DYNC2H1: variants seen among roughly 807,000 people sequenced by gnomAD.
DYNC2H1 encodes cytoplasmic dynein 2 heavy chain 1.
Under a neutral mutation model 570.0 loss-of-function variants are expected in DYNC2H1, and 410 were observed. That is an observed-to-expected ratio of 0.72 (90% confidence interval 0.66 to 0.78). The LOEUF is 0.78. Among genes scored for constraint, DYNC2H1 ranks in the 30% least tolerant of loss-of-function variants. DYNC2H1 has a pLI of 0.00. For missense variants in DYNC2H1, 4,865 were observed against 5,046.4 expected (o/e 0.96, Z 1.09); for synonymous variants, 1,688 against 1,677.6 (o/e 1.01, Z -0.15).
chr11:103,278,508 G>C (rs1010787167), intron 70 of DYNC2H1, among the ~76,000 whole-genome samples: 3 of 152,160 alleles, frequency 2.0e-5, no homozygotes, highest in African/African-American at 7.2e-5. Context: ...CACCTGGCTA[G>C]TAAAATAGGA....
At position 103,362,320 on chromosome 11, in the gene DYNC2H1, C is replaced by CTTTTTTTCTT. The variant is rs1940685055; in HGVS notation, c.12156+3968_12156+3969insCTTTTTTTTT. ...GCTTCTTAAATATATTAATTTTTTT[C>CTTTTTTTCTT]TTTTTTTTTTTTCTTTTTTTTTTTT... On this transcript the variant is annotated intron_variant, in intron 83 of 88. Coordinates refer to ENST00000375735, the MANE Select transcript of DYNC2H1 (RefSeq NM_001377.3). 2.8e-5 allele frequency among the ~76,000 whole-genome samples: 2 copies of CTTTTTTTCTT among 71,620 alleles called. 1 individual carries two copies. The highest frequency in any genetic ancestry group is 8.3e-5 in the African/African-American group (2 of 24,070). 47.0% of individuals were successfully genotyped at this position (71,620 alleles called of 152,430 possible). A position where few individuals can be genotyped will look rare whatever the true frequency, so the allele number is the denominator to read the frequency against.
chr11:103,267,465 A>G (rs977593502), intron 70 of DYNC2H1, among the ~76,000 whole-genome samples: 5 of 151,730 alleles, frequency 3.3e-5, no homozygotes, highest in African/African-American at 1.2e-4. Flanking sequence ...CTTGTGTAAA[A>G]TGGGAAATTA....
At chr11:103,212,735 C>T (rs566257094) in intron 54 of DYNC2H1, among the ~76,000 whole-genome samples, 4 of 152,164 alleles carry the variant, frequency 2.6e-5, no homozygotes, top group African/African-American at 9.6e-5. Context: ...TAGGCTCCAT[C>T]TTAATTGACA....
intron 82 of DYNC2H1, among the ~76,000 whole-genome samples, chr11:103,346,913 G>A (rs1939772179): frequency 6.6e-6 from 1 of 152,182 alleles, no homozygotes; most frequent in South Asian, 2.1e-4. Context: ...TTAGATGGAA[G>A]GTTGATGGGG....
At chr11:103,297,345 G>A (rs780197032) in intron 75 of DYNC2H1, among the ~76,000 whole-genome samples, 6 of 152,104 alleles carry the variant, frequency 3.9e-5, no homozygotes, top group Non-Finnish European at 8.8e-5. Context: ...GTACAGTCAT[G>A]TGTTGTTAAA....
intron 70 of DYNC2H1, among the ~76,000 whole-genome samples, chr11:103,274,923 C>T (rs982042772): frequency 2.0e-5 from 3 of 151,718 alleles, no homozygotes; most frequent in South Asian, 2.1e-4. Context: ...GGCGAAACCC[C>T]GTCTCTACTA....
chr11:103,276,370 G>A (rs1017946902), intron 70 of DYNC2H1, among the ~76,000 whole-genome samples: 41 of 151,706 alleles, frequency 2.7e-4, no homozygotes, highest in Admixed American at 2.5e-3. Flanking sequence ...CCAACCTGTA[G>A]GTTTATAATT....
Position 103,158,704 on chromosome 11 carries a change from C to A in DYNC2H1, c.4155C>A (p.Asp1385Glu). 1 of 1,526,042 alleles carries A rather than the reference C, an allele frequency of 6.6e-7. No homozygotes were observed. The highest frequency in any genetic ancestry group is 8.9e-7 in the Non-Finnish European group (1 of 1,129,396). 94.5% of individuals were successfully genotyped at this position (1,526,042 alleles called of 1,614,324 possible). A position where few individuals can be genotyped will look rare whatever the true frequency, so the allele number is the denominator to read the frequency against. The stretch of plus-strand genomic sequence containing the variant: ...CAATAATGACTGATATCAAGAAAGA[C>A]AATAGAGTCACAACATTAACTACTC... ...FRSIMTDIKKDNRVTTLTTHA... is the reference protein window; with the variant it reads ...FRSIMTDIKKENRVTTLTTHA... The change falls in exon 27 of 89, where the codon GAC (aspartate) becomes GAA (glutamate). Residue 1385 changes from aspartate (D) to glutamate (E), a missense_variant. Coordinates refer to ENST00000375735, the MANE Select transcript of DYNC2H1 (RefSeq NM_001377.3).
intron 54 of DYNC2H1, 107 bp downstream of exon 54, chr11:103,212,050 T>C: frequency 8.1e-7 from 1 of 1,230,210 alleles, no homozygotes; most frequent in Non-Finnish European, 1.0e-6. Context: ...TTAATAAATG[T>C]ACTGTATTAA....
Position 103,115,159 on chromosome 11 carries a change from C to T in DYNC2H1, c.503-18C>T, listed in dbSNP as rs199660214. The T allele has an allele frequency of 3.2e-6, 5 of 1,565,332 alleles. No individual in the cohort carries two copies. Among genetic ancestry groups the T allele is most frequent in the South Asian group, 2.4e-5 (2 of 84,260 alleles). ...TCTGATATTCTATGCCATTTTTTTC[C>T]CCTCTTGACTTTTATAGGTATCCTT... On this transcript the variant is annotated intron_variant, in intron 3 of 88. Coordinates refer to ENST00000375735, the MANE Select transcript of DYNC2H1 (RefSeq NM_001377.3).
intron 59 of DYNC2H1, among the ~76,000 whole-genome samples, chr11:103,230,170 C>A (rs1303983256): frequency 1.3e-5 from 2 of 152,280 alleles, no homozygotes; most frequent in South Asian, 2.1e-4. Context: ...TCTAATGCTA[C>A]TTTGATTCCC....
chr11:103,173,327 A>G (rs373527971), intron 35 of DYNC2H1, 22 bp downstream of exon 35: 1 of 1,440,884 alleles, frequency 6.9e-7, no homozygotes, highest in South Asian at 1.5e-5. Flanking sequence ...TGTTCTAAAT[A>G]TTTTTATATT....
In DYNC2H1 at chr11:103,116,558, AT is replaced by A; in HGVS notation, c.622-5del. The A allele has an allele frequency of 6.4e-6, 10 of 1,566,222 alleles. No homozygotes were observed. The highest frequency in any genetic ancestry group is 4.9e-5 in the South Asian group (4 of 81,276). On this transcript the variant is annotated splice_polypyrimidine_tract_variant and intron_variant, in intron 4 of 88. Transcript: ENST00000375735. The stretch of plus-strand genomic sequence containing the variant: ...TATAATTATGTTTAAAAATTAATGC[AT>A]TTTTTTCTAGGAGTTTTATAACTTG...
At chr11:103,468,748 C>A (rs544877057) in intron 88 of DYNC2H1, 43 bp downstream of exon 88, 2 of 1,409,422 alleles carry the variant, frequency 1.4e-6, no homozygotes, top group East Asian at 4.7e-5. Flanking sequence ...TATATCAGTT[C>A]TCTCTTAGAT....
At chr11:103,142,065 T>A (rs1347090280) in intron 17 of DYNC2H1, among the ~76,000 whole-genome samples, 1 of 152,060 alleles carries the variant, frequency 6.6e-6, no homozygotes, top group East Asian at 1.9e-4. Flanking sequence ...ATTGGAAAAG[T>A]GTAGTATTAG....
At chr11:103,195,030 C>A (rs977169880) in intron 47 of DYNC2H1, among the ~76,000 whole-genome samples, 1 of 152,246 alleles carries the variant, frequency 6.6e-6, no homozygotes, top group East Asian at 1.9e-4. Flanking sequence ...TGGTTTGTTA[C>A]TGTTGAGTTT....
At chr11:103,353,766 A>G (rs1338382644) in intron 82 of DYNC2H1, among the ~76,000 whole-genome samples, 1 of 152,158 alleles carries the variant, frequency 6.6e-6, no homozygotes, top group East Asian at 1.9e-4. Flanking sequence ...CATATGTTTA[A>G]CTATTAACAT....
chr11:103,219,804 T>G, intron 55 of DYNC2H1, 111 bp from the exon 56 acceptor site: 1 of 651,188 alleles, frequency 1.5e-6, no homozygotes. Context: ...AAAACTAGTA[T>G]TAGGAAACAT....
chr11:103,191,028 A>ATTTTTTTTTTTTTTTTTT (rs577789493), intron 45 of DYNC2H1, among the ~76,000 whole-genome samples: 2 of 111,218 alleles, frequency 1.8e-5, no homozygotes, highest in Non-Finnish European at 3.6e-5. Context: ...ATATATATAT[A>ATTTTTTTTTTTTTTTTTT]TTTTTTTTCT....
Sources: gnomAD v4.1 joint callset for allele counts (sites outside exome capture counted in the v4.1 genomes callset) on GRCh38, gnomAD v4.1.1 for gene constraint, MANE v1.5 for transcripts, NCBI Gene and HGNC (gene_info 2026-07-23, HGNC 2026-07-21) for gene names.